RUNX2: variants seen among roughly 807,000 people sequenced by gnomAD.
RUNX2 encodes RUNX family transcription factor 2.
A neutral mutation model predicts 51.7 loss-of-function variants in RUNX2; 10 were observed. The ratio of observed to expected loss-of-function variants is 0.19; its 90% CI spans 0.12 to 0.33. RUNX2 has a LOEUF of 0.33. Ranked by LOEUF, RUNX2 falls within the 10% of genes least tolerant of loss-of-function variation. RUNX2 has a pLI of 1.00. For missense variants in RUNX2, 562 were observed against 691.3 expected, an observed-to-expected ratio of 0.81 and a Z score of 2.10; for synonymous variants, 276 against 273.6, an observed-to-expected ratio of 1.01 and a Z score of -0.09.
At chr6:45,407,095 T>A (rs956611991) in intron 2 of RUNX2, among the ~76,000 whole-genome samples, 1 of 152,210 alleles carries the variant, frequency 6.6e-6, no homozygotes, top group Non-Finnish European at 1.5e-5. Flanking sequence ...ATTTGGGGGT[T>A]ATAATTCCCT....
intron 7 of RUNX2, among the ~76,000 whole-genome samples, chr6:45,518,770 G>C (rs979919820): frequency 6.6e-6 from 1 of 152,104 alleles, no homozygotes; most frequent in Admixed American, 6.6e-5. Context: ...CAAACACATG[G>C]TTATATATTT....
intron 5 of RUNX2, among the ~76,000 whole-genome samples, chr6:45,465,029 A>C (rs1398747898): frequency 1.3e-5 from 2 of 152,192 alleles, no homozygotes; most frequent in Non-Finnish European, 2.9e-5. Flanking sequence ...TATAAGAAAA[A>C]ATGTTTATAA....
intron 5 of RUNX2, among the ~76,000 whole-genome samples, chr6:45,469,130 A>G (rs1319212026): frequency 6.6e-6 from 1 of 152,166 alleles, no homozygotes; most frequent in Non-Finnish European, 1.5e-5. Flanking sequence ...AATTCTTAAA[A>G]CATACTGCTT....
intron 7 of RUNX2, among the ~76,000 whole-genome samples, chr6:45,535,082 G>GCA (rs1801988800): frequency 6.6e-6 from 1 of 152,072 alleles, no homozygotes; most frequent in Non-Finnish European, 1.5e-5. Flanking sequence ...TGCACACTGG[G>GCA]GCCTATTGGA....
chr6:45,358,204 AAAG>A (rs147630066), intron 2 of RUNX2, among the ~76,000 whole-genome samples: 178 of 152,338 alleles, frequency 1.2e-3, no homozygotes, highest in African/African-American at 4.0e-3. Context: ...GCAACCCAGA[AAAG>A]AAGCATTCTA....
intron 6 of RUNX2, among the ~76,000 whole-genome samples, chr6:45,493,112 C>A (rs1339727117): frequency 6.6e-6 from 1 of 152,080 alleles, no homozygotes; most frequent in Non-Finnish European, 1.5e-5. Flanking sequence ...TTCTCTCCTG[C>A]CCATATTATG....
chr6:45,336,535 A>C (rs1407817692), intron 2 of RUNX2, among the ~76,000 whole-genome samples: 2 of 151,450 alleles, frequency 1.3e-5, no homozygotes, highest in African/African-American at 2.4e-5. Flanking sequence ...ATACACTTAA[A>C]TATTTTTTAA....
chr6:45,431,452 T>G (rs978668912), intron 3 of RUNX2, among the ~76,000 whole-genome samples: 33 of 152,184 alleles, frequency 2.2e-4, no homozygotes, highest in African/African-American at 7.5e-4. Flanking sequence ...TAGCCTGTGA[T>G]GGGATAAGAC....
At chr6:45,373,742 G>A (rs544362163) in intron 2 of RUNX2, among the ~76,000 whole-genome samples, 117 of 151,966 alleles carry the variant, frequency 7.7e-4, no homozygotes, top group African/African-American at 2.5e-3. Context: ...TAGTAGAGAC[G>A]GGGTTTCGCC....
At chr6:45,435,194 A>G (rs1798648932) in intron 4 of RUNX2, among the ~76,000 whole-genome samples, 1 of 152,172 alleles carries the variant, frequency 6.6e-6, no homozygotes, top group Admixed American at 6.5e-5. Context: ...TAAATGCTTT[A>G]TACTTGAAGG....
intron 2 of RUNX2, among the ~76,000 whole-genome samples, chr6:45,378,118 G>A (rs943394062): frequency 3.9e-5 from 6 of 152,198 alleles, no homozygotes; most frequent in African/African-American, 1.2e-4. Flanking sequence ...GCTCGCCGGG[G>A]GCGGGGCGTT....
intron 2 of RUNX2, among the ~76,000 whole-genome samples, chr6:45,389,958 A>G (rs1797432295): frequency 6.6e-6 from 1 of 151,866 alleles, no homozygotes. Context: ...GTGAGCCGAG[A>G]TTGAACCAGT....
At chr6:45,480,302 TAGAG>T (rs1478980822) in intron 5 of RUNX2, among the ~76,000 whole-genome samples, 1 of 152,202 alleles carries the variant, frequency 6.6e-6, no homozygotes, top group African/African-American at 2.4e-5. Flanking sequence ...TCTTGCAGCT[TAGAG>T]AGAAATGATT....
At chr6:45,534,829 T>A (rs1232319009) in intron 7 of RUNX2, among the ~76,000 whole-genome samples, 1 of 152,200 alleles carries the variant, frequency 6.6e-6, no homozygotes, top group Non-Finnish European at 1.5e-5. Flanking sequence ...TGTATGTAAC[T>A]GTGAGAGGGG....
rs1799674496 is a variant in RUNX2, at chr6:45,467,699, T to C, written c.686-24242T>C. 3.9e-5 allele frequency among the ~76,000 whole-genome samples: 6 copies of C among 152,152 alleles called. No individual in the cohort carries two copies. In the South Asian group the frequency reaches 1.2e-3, roughly 31 times the overall value. On this transcript the variant is annotated intron_variant, in intron 5 of 8. Transcript: ENST00000647337. ...TTGGCTTTCCTTTCTTCCTGTTTCC[T>C]TGCTTGCTCATCAAAGACACTATCA...
chr6:45,407,676 T>C (rs936715157), intron 2 of RUNX2, among the ~76,000 whole-genome samples: 3 of 151,920 alleles, frequency 2.0e-5, no homozygotes, highest in Non-Finnish European at 4.4e-5. Flanking sequence ...TTTTTTGACT[T>C]TTTGTAGAGA....
At chr6:45,402,478 A>G (rs1582074218) in intron 2 of RUNX2, among the ~76,000 whole-genome samples, 1 of 152,224 alleles carries the variant, frequency 6.6e-6, no homozygotes, top group East Asian at 1.9e-4. Context: ...CTCTCAACAA[A>G]TATTTTAGGA....
intron 7 of RUNX2, among the ~76,000 whole-genome samples, chr6:45,536,643 G>A (rs536367237): frequency 3.3e-5 from 5 of 152,280 alleles, no homozygotes; most frequent in East Asian, 3.9e-4. Flanking sequence ...TGCCTGCAGC[G>A]GACTCTTCCT....
Position 45,454,274 on chromosome 6 carries a change from T to C in RUNX2, c.685+16223T>C, listed in dbSNP as rs116364582. 6.4e-3 allele frequency among the ~76,000 whole-genome samples: 970 copies of C among 152,344 alleles called. 9 individuals are homozygous for C. The highest frequency in any genetic ancestry group is 0.022 in the African/African-American group (909 of 41,562). Reference sequence around the variant, plus strand: ...TAGGTGGAGAAGCCCTTCTGTGGTATGGAGGCACCATTTCTTTATTCTCTT... The same window carrying C: ...TAGGTGGAGAAGCCCTTCTGTGGTACGGAGGCACCATTTCTTTATTCTCTT... On this transcript the variant is annotated intron_variant, in intron 5 of 8. Transcript: ENST00000647337.
Sources: allele counts gnomAD v4.1 joint callset (sites outside exome capture counted in the v4.1 genomes callset), GRCh38; gene constraint gnomAD v4.1.1; transcripts MANE v1.5; gene names NCBI Gene and HGNC (gene_info 2026-07-23, HGNC 2026-07-21).